Variants in MALRD1 observed in about 807,000 individuals in gnomAD.
The protein encoded by MALRD1 is MAM and LDL-receptor class A domain-containing protein 1.
In MALRD1, 247 loss-of-function variants were observed where a neutral mutation model predicts 242.1. The ratio of observed to expected loss-of-function variants is 1.02; its 90% CI spans 0.92 to 1.13. The LOEUF (loss-of-function observed/expected upper bound fraction) is 1.13. Among genes scored for constraint, MALRD1 ranks in the 50% most tolerant of loss-of-function variants. The probability of loss-of-function intolerance (pLI) is 0.00; values close to 1 mark genes in which losing one functional copy is unlikely to be tolerated. For synonymous variants in MALRD1, 995 were observed against 866.6 expected, an observed-to-expected ratio of 1.15 and a Z score of -2.60; for missense variants, 2,989 against 2,533.1, an observed-to-expected ratio of 1.18 and a Z score of -3.86.
intron 36 of MALRD1, among the ~76,000 whole-genome samples, chr10:19,666,286 C>T (rs1251842552): frequency 6.6e-6 from 1 of 152,166 alleles, no homozygotes; most frequent in African/African-American, 2.4e-5. Context: ...TCTGACCTCT[C>T]CTTAATTAGC....
intron 38 of MALRD1, chr10:19,722,134 G>A (rs1190377286): frequency 6.6e-6 from 1 of 152,114 alleles, no homozygotes; most frequent in Non-Finnish European, 1.5e-5. Context: ...GCATTCACAG[G>A]GTGCTGTGAC....
intron 24 of MALRD1, among the ~76,000 whole-genome samples, chr10:19,335,779 G>C (rs1350958384): frequency 2.6e-5 from 4 of 152,014 alleles, no homozygotes; most frequent in African/African-American, 9.7e-5. Flanking sequence ...TCTTTCTAAA[G>C]ATATAAAACA....
At chr10:19,157,112 T>TA (rs148765775) in intron 12 of MALRD1, among the ~76,000 whole-genome samples, 5,326 of 152,248 alleles carry the variant, frequency 0.035, 287 homozygotes, top group African/African-American at 0.12. Flanking sequence ...AGTTACTTTG[T>TA]AATGCTTTCC....
intron 18 of MALRD1, among the ~76,000 whole-genome samples, chr10:19,249,497 G>A (rs1036166870): frequency 2.6e-5 from 4 of 151,860 alleles, no homozygotes; most frequent in Non-Finnish European, 5.9e-5. Context: ...TTAGTTGAAA[G>A]GGGAAGTTTC....
intron 1 of MALRD1, among the ~76,000 whole-genome samples, chr10:19,061,256 T>C (rs555865807): frequency 2.6e-5 from 4 of 152,186 alleles, no homozygotes; most frequent in Admixed American, 2.0e-4. Flanking sequence ...TATTGAAAAC[T>C]ATGTCATTGT....
At chr10:19,390,640 T>C (rs1846300528) in intron 28 of MALRD1, among the ~76,000 whole-genome samples, 1 of 152,050 alleles carries the variant, frequency 6.6e-6, no homozygotes, top group South Asian at 2.1e-4. Context: ...CAAGAAAGCT[T>C]ACTTTAAAGC....
At chr10:19,728,775 A>G (rs1334564621) in intron 38 of MALRD1, among the ~76,000 whole-genome samples, 5 of 152,168 alleles carry the variant, frequency 3.3e-5, no homozygotes, top group Non-Finnish European at 7.3e-5. Context: ...TTTCAAAACT[A>G]CACTTCACTC....
At chr10:19,068,712 T>C (rs1354765811) in intron 2 of MALRD1, among the ~76,000 whole-genome samples, 2 of 152,126 alleles carry the variant, frequency 1.3e-5, no homozygotes, top group East Asian at 3.9e-4. Context: ...GGAACATATT[T>C]ATAGAAAAAT....
intron 19 of MALRD1, among the ~76,000 whole-genome samples, chr10:19,260,566 G>A (rs1333181683): frequency 6.6e-6 from 1 of 152,156 alleles, no homozygotes; most frequent in East Asian, 1.9e-4. Flanking sequence ...AGCTCAGCAG[G>A]GGTAGGGGAG....
intron 36 of MALRD1, among the ~76,000 whole-genome samples, chr10:19,670,416 T>C (rs1841865404): frequency 6.6e-6 from 1 of 152,172 alleles, no homozygotes; most frequent in South Asian, 2.1e-4. Context: ...TTCCTCCTTC[T>C]CTTCCCAAGA....
intron 29 of MALRD1, among the ~76,000 whole-genome samples, chr10:19,467,838 G>A (rs958264040): frequency 4.6e-5 from 7 of 151,686 alleles, no homozygotes; most frequent in Admixed American, 3.3e-4. Context: ...CTGTTGCCCA[G>A]GCTGGAGTGC....
At chr10:19,551,021 A>G (rs1218747468) in intron 32 of MALRD1, among the ~76,000 whole-genome samples, 1 of 152,100 alleles carries the variant, frequency 6.6e-6, no homozygotes, top group Non-Finnish European at 1.5e-5. Flanking sequence ...CTGGTGTGAG[A>G]TGATATCTCA....
intron 18 of MALRD1, among the ~76,000 whole-genome samples, chr10:19,239,127 G>A (rs1018933961): frequency 3.3e-5 from 5 of 151,488 alleles, no homozygotes; most frequent in Non-Finnish European, 5.9e-5. Flanking sequence ...GGTGCAGTCG[G>A]GGCTCACGGC....
chr10:19,128,326 A>G lies in MALRD1; in HGVS notation c.1049A>G (p.His350Arg), dbSNP rs944795587. The stretch of plus-strand genomic sequence containing the variant: ...TGTCATTGCCTGGGCAAGAGCTGTC[A>G]TCTTCAATTCTATTATGCAATGGAA... ...SVCHCLGKSC[H>R]LQFYYAMESS... The change falls in exon 8 of 40, where the codon CAT becomes CGT. Residue 350 changes from histidine (H) to arginine (R), a missense_variant. Transcript: ENST00000454679. 2.4e-6 allele frequency: 3 copies of G among 1,233,378 alleles called. No homozygotes were observed. In the Admixed American group the frequency reaches 1.3e-4, roughly 52 times the overall value. The allele number at this position is 1,233,378 out of a possible 1,614,324, so 76.4% of individuals were successfully genotyped here.
At chr10:19,534,188 C>G (rs1044797510) in intron 32 of MALRD1, among the ~76,000 whole-genome samples, 7 of 152,184 alleles carry the variant, frequency 4.6e-5, no homozygotes, top group Admixed American at 2.6e-4. Flanking sequence ...CTCGCCATTA[C>G]AGAAACTCAG....
At chr10:19,673,246 G>T (rs538971606) in intron 36 of MALRD1, among the ~76,000 whole-genome samples, 14 of 152,144 alleles carry the variant, frequency 9.2e-5, no homozygotes, top group African/African-American at 3.4e-4. Flanking sequence ...AATTAACCGG[G>T]CATGGTGGCG....
At chr10:19,383,605 A>G (rs951868557) in intron 26 of MALRD1, among the ~76,000 whole-genome samples, 15 of 152,002 alleles carry the variant, frequency 9.9e-5, no homozygotes, top group Non-Finnish European at 1.9e-4. Flanking sequence ...TACATACCTT[A>G]TATGGTTCAT....
intron 29 of MALRD1, among the ~76,000 whole-genome samples, chr10:19,461,679 A>AC (rs1356267932): frequency 2.1e-5 from 1 of 48,424 alleles, no homozygotes; most frequent in Non-Finnish European, 4.4e-5. Flanking sequence ...CCCCATCTCT[A>AC]CAAAAAATTT....
At chr10:19,730,182 A>G (rs1394870063) in intron 38 of MALRD1, among the ~76,000 whole-genome samples, 1 of 152,230 alleles carries the variant, frequency 6.6e-6, no homozygotes, top group African/African-American at 2.4e-5. Flanking sequence ...CACTACCCTA[A>G]AGAACTTTTC....
Sources: allele counts gnomAD v4.1 joint callset (sites outside exome capture counted in the v4.1 genomes callset), GRCh38; gene constraint gnomAD v4.1.1; transcripts MANE v1.5; gene names NCBI Gene and HGNC (gene_info 2026-07-23, HGNC 2026-07-21).